FBRSL1: variants seen among roughly 807,000 people sequenced by gnomAD.
The protein encoded by FBRSL1 is fibrosin like 1, also known as fibrosin-1-like protein.
FBRSL1 carries 51 observed loss-of-function variants against 89.6 expected under a neutral mutation model. The observed-to-expected ratio is 0.57, with a 90% CI of 0.45 to 0.72. The LOEUF (loss-of-function observed/expected upper bound fraction) is 0.72, where lower values mean the gene tolerates loss of function less well. Among genes scored for constraint, FBRSL1 ranks in the 30% least tolerant of loss-of-function variants. The pLI, the probability that FBRSL1 is intolerant of heterozygous loss-of-function variation, is 0.00. For synonymous variants in FBRSL1, 779 were observed against 681.1 expected (o/e 1.14, Z -2.24); for missense variants, 1,618 against 1,451.8 (o/e 1.11, Z -1.86).
chr12:132,505,260 C>T (rs781228139), intron 1 of FBRSL1, among the ~76,000 whole-genome samples: 2 of 152,216 alleles, frequency 1.3e-5, no homozygotes, highest in South Asian at 2.1e-4. Flanking sequence ...GGCCCCCACC[C>T]GGAGCTCATG....
At chr12:132,509,572 G>A in intron 2 of FBRSL1, 2 of 1,232,468 alleles carry the variant, frequency 1.6e-6, no homozygotes, top group Non-Finnish European at 1.0e-6. Context: ...CTGACCCCGT[G>A]TCACCACTGC....
At position 132,546,315 on chromosome 12, in the gene FBRSL1, G is replaced by C. The variant is rs2137292398; in HGVS notation, c.616-1688G>C. On this transcript the variant is annotated intron_variant, in intron 4 of 18. Transcript: ENST00000680143. The surrounding 1 kb of genome is among the most constrained non-coding windows in gnomAD (Gnocchi z 4.0). ...CTGCATGTCGGGGTCCTGTGGCCCAGCCCTTGGTGAGCTCCGCACCTGCAG... is the reference window on the plus strand; with the variant it reads ...CTGCATGTCGGGGTCCTGTGGCCCACCCCTTGGTGAGCTCCGCACCTGCAG... 6.6e-6 allele frequency among the ~76,000 whole-genome samples: 1 copy of C among 152,392 alleles called. No homozygotes were observed. The highest frequency in any genetic ancestry group is 2.1e-4 in the South Asian group (1 of 4,828).
At chr12:132,567,710 G>A (rs779418016) in intron 6 of FBRSL1, among the ~76,000 whole-genome samples, 184 bp downstream of exon 6, 10 of 152,170 alleles carry the variant, frequency 6.6e-5, no homozygotes, top group African/African-American at 2.4e-4. Flanking sequence ...GAGAGTAGAC[G>A]AAGCCACTGA....
At chr12:132,506,082 A>G (rs2033650574) in intron 1 of FBRSL1, among the ~76,000 whole-genome samples, 2 of 151,892 alleles carry the variant, frequency 1.3e-5, no homozygotes, top group Admixed American at 6.6e-5. Flanking sequence ...TAGAATGTTC[A>G]CTCAGCAGCA....
chr12:132,562,250 C>G (rs1463605374), intron 5 of FBRSL1, among the ~76,000 whole-genome samples: 1 of 152,148 alleles, frequency 6.6e-6, no homozygotes, highest in East Asian at 1.9e-4. Context: ...CCCCAACCTC[C>G]AGGCCCCCTG....
At chr12:132,519,189 C>A (rs1398933449) in intron 2 of FBRSL1, among the ~76,000 whole-genome samples, 1 of 152,272 alleles carries the variant, frequency 6.6e-6, no homozygotes, top group Non-Finnish European at 1.5e-5. Flanking sequence ...AAAGACAGCC[C>A]CGCCCACTGG....
chr12:132,571,380 G>A, intron 9 of FBRSL1, 149 bp downstream of exon 9: 1 of 1,550,944 alleles, frequency 6.4e-7, no homozygotes, highest in Non-Finnish European at 8.7e-7. Context: ...GCGCCTCCCT[G>A]GGCCCGGGGG....
intron 18 of FBRSL1, 114 bp downstream of exon 18, chr12:132,582,380 C>A (rs1197733078): frequency 1.1e-5 from 9 of 796,780 alleles, no homozygotes; most frequent in South Asian, 5.1e-5. Flanking sequence ...GTTTCCTCTC[C>A]CTCACCGTTC....
Position 132,570,194 on chromosome 12 carries a change from C to A in FBRSL1, c.960C>A (p.Ala320=), listed in dbSNP as rs760894293. The part of the protein sequence containing the change: ...LPTHVPASLG[A]FAGHSQAAAN... ...CACACGTGCCTGCATCCCTGGGCGCCTTCGCGGGCCACAGCCAGGCGGCAG... is the reference window on the plus strand; with the variant it reads ...CACACGTGCCTGCATCCCTGGGCGCATTCGCGGGCCACAGCCAGGCGGCAG... Residue 320 remains alanine (A), a synonymous_variant, in exon 7 of 19, where the codon GCC becomes GCA. Transcript: ENST00000680143. 10 of 1,505,138 alleles carry A rather than the reference C, an allele frequency of 6.6e-6. No homozygotes were observed. In the African/African-American group the frequency reaches 1.5e-4, roughly 22 times the overall value. 93.2% of individuals were successfully genotyped at this position (1,505,138 alleles called of 1,614,324 possible). A position where few individuals can be genotyped will look rare whatever the true frequency, so the allele number is the denominator to read the frequency against.
intron 2 of FBRSL1, among the ~76,000 whole-genome samples, chr12:132,525,371 G>A (rs2035705030): frequency 6.6e-6 from 1 of 152,236 alleles, no homozygotes; most frequent in Non-Finnish European, 1.5e-5. Flanking sequence ...CCCCCAGGAT[G>A]CCTTCAAAGT....
At chr12:132,570,955 C>A in intron 8 of FBRSL1, 113 bp from the exon 9 acceptor site, 1 of 732,452 alleles carries the variant, frequency 1.4e-6, no homozygotes, top group Non-Finnish European at 1.7e-6. Flanking sequence ...CGAGTCAGCC[C>A]GGCCCAGGCT....
Position 132,583,726 on chromosome 12 carries a change from A to C in FBRSL1, c.2957A>C (p.Glu986Ala). ...CCGCTGGGGGGCCTCGGGCCGGGCGAGGCGCGCGACTACTCCCCGTCCCGA... is the reference window on the plus strand; with the variant it reads ...CCGCTGGGGGGCCTCGGGCCGGGCGCGGCGCGCGACTACTCCCCGTCCCGA... Reference protein sequence around the residue: ...TTPLGGLGPGEARDYSPSRNP... With the variant: ...TTPLGGLGPGAARDYSPSRNP... The change falls in exon 19 of 19, where the codon GAG becomes GCG. Residue 986 changes from glutamate to alanine, a missense_variant. Physicochemically the swap from Glu to Ala is moderately radical, Grantham distance 107. Coordinates refer to ENST00000680143, the MANE Select transcript of FBRSL1 (RefSeq NM_001367871.1). 2 of 1,210,898 alleles carry C rather than the reference A, an allele frequency of 1.7e-6. No homozygotes were observed. The allele number at this position is 1,210,898 out of a possible 1,614,324, so 75.0% of individuals were successfully genotyped here. A position where few individuals can be genotyped will look rare whatever the true frequency, so the allele number is the denominator to read the frequency against.
intron 2 of FBRSL1, among the ~76,000 whole-genome samples, chr12:132,520,575 G>T (rs971525556): frequency 6.6e-6 from 1 of 152,214 alleles, no homozygotes; most frequent in African/African-American, 2.4e-5. Context: ...TGTGGGTGCG[G>T]CATCGGCTCC....
intron 11 of FBRSL1, among the ~76,000 whole-genome samples, chr12:132,573,015 G>T (rs777809248): frequency 6.6e-6 from 1 of 152,184 alleles, no homozygotes; most frequent in South Asian, 2.1e-4. Context: ...TTACGGGGCC[G>T]TCCACACCGT....
In FBRSL1 at chr12:132,581,841, G is replaced by A. The variant is rs1252811241; in HGVS notation, c.1996+17G>A. ...ATGCACTGGGTGAGTGACCCAGCCT[G>A]TGCCCCCCTCCCCCGATGCCCGCGC... On this transcript the variant is annotated intron_variant, in intron 17 of 18. Coordinates refer to ENST00000680143, the MANE Select transcript of FBRSL1 (RefSeq NM_001367871.1). 1.6e-5 allele frequency: 25 copies of A among 1,527,242 alleles called. No individual in the cohort carries two copies. Among genetic ancestry groups the A allele is most frequent in the Admixed American group, 2.1e-5 (1 of 48,526 alleles). 94.6% of individuals were successfully genotyped at this position (1,527,242 alleles called of 1,614,324 possible).
intron 17 of FBRSL1, 101 bp from the exon 18 acceptor site, chr12:132,581,961 G>A (rs2040785954): frequency 3.1e-6 from 4 of 1,302,880 alleles, no homozygotes; most frequent in South Asian, 2.9e-5. Context: ...CCCCTTCTCA[G>A]TGTCAGCCTG....
intron 5 of FBRSL1, among the ~76,000 whole-genome samples, chr12:132,549,837 C>G (rs1001693696): frequency 6.6e-6 from 1 of 152,190 alleles, no homozygotes; most frequent in African/African-American, 2.4e-5. Flanking sequence ...GAGATGCGGC[C>G]CCTGCCCGGG....
At chr12:132,552,801 T>C (rs2038300472) in intron 5 of FBRSL1, 1 of 161,126 alleles carries the variant, frequency 6.2e-6, no homozygotes, top group Non-Finnish European at 1.4e-5. Flanking sequence ...TGGAGGCCCC[T>C]GCCGTGGACA....
intron 2 of FBRSL1, among the ~76,000 whole-genome samples, chr12:132,521,015 T>TGCCCTGA (rs2035304292): frequency 6.6e-6 from 1 of 152,192 alleles, no homozygotes; most frequent in South Asian, 2.1e-4. Flanking sequence ...TGCCCTGCCC[T>TGCCCTGA]GCCCTGAGCC....
Sources: gnomAD v4.1 joint callset for allele counts (sites outside exome capture counted in the v4.1 genomes callset) on GRCh38, gnomAD v4.1.1 for gene constraint, Gnocchi (gnomAD v3.1) non-coding constraint, MANE v1.5 for transcripts, NCBI Gene and HGNC (gene_info 2026-07-23, HGNC 2026-07-21) for gene names.